ANKRD44: variants seen among roughly 807,000 people sequenced by gnomAD.
ANKRD44 encodes serine/threonine-protein phosphatase 6 regulatory ankyrin repeat subunit B.
Under a neutral mutation model 116.0 loss-of-function variants are expected in ANKRD44, and 35 were observed. That is an observed-to-expected ratio of 0.30 (90% CI 0.23 to 0.40). The LOEUF is 0.40. Ranked by LOEUF, ANKRD44 falls within the 10% of genes least tolerant of loss-of-function variation. The pLI, the probability that ANKRD44 is intolerant of heterozygous loss-of-function variation, is 1.00. For synonymous variants in ANKRD44, 435 were observed against 461.8 expected (o/e 0.94, Z 0.74); for missense variants, 1,014 against 1,242.6 (o/e 0.82, Z 2.77).
intron 3 of ANKRD44, among the ~76,000 whole-genome samples, chr2:197,145,137 A>G (rs1444451125): frequency 2.0e-5 from 3 of 151,978 alleles, no homozygotes; most frequent in Admixed American, 1.3e-4. Flanking sequence ...TAAAAATACA[A>G]AAAATTAGCC....
intron 1 of ANKRD44, among the ~76,000 whole-genome samples, chr2:197,284,131 T>C (rs998676776): frequency 1.3e-5 from 2 of 152,324 alleles, no homozygotes; most frequent in African/African-American, 2.4e-5. Context: ...CTCCACGTTA[T>C]GGATAAGATG....
At chr2:197,011,401 A>G (rs1488235625) in intron 18 of ANKRD44, among the ~76,000 whole-genome samples, 1 of 152,102 alleles carries the variant, frequency 6.6e-6, no homozygotes, top group Non-Finnish European at 1.5e-5. Flanking sequence ...CAGTTTCTAC[A>G]GTTGTGCTTT....
chr2:197,263,131 C>T (rs1375216179), intron 1 of ANKRD44: 4 of 480,302 alleles, frequency 8.3e-6, no homozygotes, highest in African/African-American at 6.0e-5. Flanking sequence ...GCTCCAAGTT[C>T]GTCTCCACTC....
Position 197,000,483 on chromosome 2 carries a change from A to C in ANKRD44, c.2455T>G (p.Cys819Gly). ...ATGGCCCCAAGCAGCAATGATGCACAATTCCCATGATCATTGATTCTAAAA... is the reference window on the plus strand; with the variant it reads ...ATGGCCCCAAGCAGCAATGATGCACCATTCCCATGATCATTGATTCTAAAA... ...HCAIINDHGNCASLLLGAIDS... is the reference protein window; with the variant it reads ...HCAIINDHGNGASLLLGAIDS... Residue 819 changes from cysteine to glycine, a missense_variant, in exon 23 of 28, where the codon TGT (cysteine) becomes GGT (glycine). Transcript: ENST00000282272. 6.2e-7 allele frequency: 1 copy of C among 1,614,042 alleles called. No individual in the cohort carries two copies. The highest frequency in any genetic ancestry group is 8.5e-7 in the Non-Finnish European group (1 of 1,179,906).
intron 9 of ANKRD44, among the ~76,000 whole-genome samples, chr2:197,106,230 C>T (rs966799889): frequency 2.0e-5 from 3 of 151,256 alleles, no homozygotes; most frequent in Non-Finnish European, 4.4e-5. Flanking sequence ...TCACCTGAGG[C>T]CAGGAGTTCA....
At chr2:197,234,801 G>C (rs376798670) in intron 1 of ANKRD44, among the ~76,000 whole-genome samples, 1 of 152,144 alleles carries the variant, frequency 6.6e-6, no homozygotes, top group Non-Finnish European at 1.5e-5. Flanking sequence ...CTTGAGCAAA[G>C]TTCTTTCCAG....
At chr2:197,130,546 C>G (rs1321792619) in intron 4 of ANKRD44, among the ~76,000 whole-genome samples, 1 of 152,178 alleles carries the variant, frequency 6.6e-6, no homozygotes, top group Admixed American at 6.5e-5. Context: ...GGTTTTAGAA[C>G]AGGAAGTTTC....
At chr2:197,067,438 AG>A (rs1328566826) in intron 16 of ANKRD44, among the ~76,000 whole-genome samples, 2 of 151,876 alleles carry the variant, frequency 1.3e-5, no homozygotes, top group African/African-American at 4.8e-5. Flanking sequence ...ACAACATGGG[AG>A]AAAATTTTCG....
intron 1 of ANKRD44, among the ~76,000 whole-genome samples, chr2:197,267,030 A>G (rs1294919788): frequency 6.6e-6 from 1 of 152,182 alleles, no homozygotes; most frequent in Non-Finnish European, 1.5e-5. Flanking sequence ...ACCTAGAACA[A>G]TGCCACATCA....
chr2:196,989,806 T>A, intron 27 of ANKRD44, 157 bp from the exon 28 acceptor site: 1 of 1,411,636 alleles, frequency 7.1e-7, no homozygotes, highest in Non-Finnish European at 9.2e-7. Flanking sequence ...TGGTATGACC[T>A]TGACTGAGAA....
intron 2 of ANKRD44, among the ~76,000 whole-genome samples, chr2:197,152,775 G>A (rs1029690064): frequency 5.3e-5 from 8 of 152,172 alleles, no homozygotes; most frequent in Non-Finnish European, 7.3e-5. Context: ...ACATGCTTTG[G>A]AAATTCTCAG....
intron 1 of ANKRD44, among the ~76,000 whole-genome samples, chr2:197,269,965 A>C (rs2082851671): frequency 6.6e-6 from 1 of 152,302 alleles, no homozygotes; most frequent in South Asian, 2.1e-4. Context: ...GGCTACCTGC[A>C]ATTCTGGATA....
chr2:197,298,662 C>A (rs2083797570), intron 1 of ANKRD44, among the ~76,000 whole-genome samples: 1 of 152,148 alleles, frequency 6.6e-6, no homozygotes, highest in Non-Finnish European at 1.5e-5. Flanking sequence ...GTGGCTCATG[C>A]CTGTAATCTC....
At chr2:197,101,452 C>A (rs975201726) in intron 9 of ANKRD44, among the ~76,000 whole-genome samples, 1 of 152,156 alleles carries the variant, frequency 6.6e-6, no homozygotes, top group Non-Finnish European at 1.5e-5. Flanking sequence ...TGACTACTTG[C>A]AATGGGTACC....
chr2:197,166,075 C>A (rs1261685945), intron 2 of ANKRD44, among the ~76,000 whole-genome samples: 3 of 152,140 alleles, frequency 2.0e-5, no homozygotes, highest in Non-Finnish European at 4.4e-5. Flanking sequence ...AATCTGCCTG[C>A]AGATTTTGCT....
At chr2:197,154,964 G>A (rs1207674391) in intron 2 of ANKRD44, among the ~76,000 whole-genome samples, 3 of 151,914 alleles carry the variant, frequency 2.0e-5, no homozygotes, top group Non-Finnish European at 4.4e-5. Flanking sequence ...CTCTAAACAT[G>A]TTCAAATTAT....
At chr2:197,307,619 A>G (rs369920334) in intron 1 of ANKRD44, among the ~76,000 whole-genome samples, 2 of 152,124 alleles carry the variant, frequency 1.3e-5, no homozygotes, top group African/African-American at 4.8e-5. Flanking sequence ...TCCTGAAAAA[A>G]AAAGAGTTAG....
chr2:197,172,891 C>T (rs943704877), intron 2 of ANKRD44, among the ~76,000 whole-genome samples: 1 of 152,096 alleles, frequency 6.6e-6, no homozygotes, highest in South Asian at 2.1e-4. Flanking sequence ...CTTATAGTCC[C>T]AACCCCTAGC....
rs138617040 is a variant in ANKRD44 at position 197,108,841 on chromosome 2, AAAC to A, written c.985+1922_985+1924del. Among the ~76,000 whole-genome samples the A allele has an allele frequency of 9.9e-4, 148 of 150,068 alleles. 1 individual carries two copies. In the East Asian group the frequency reaches 0.012, roughly 12 times the overall value. On this transcript the variant is annotated intron_variant, in intron 9 of 27. Coordinates refer to ENST00000282272, the MANE Select transcript of ANKRD44 (RefSeq NM_001195144.2). ...CAACAGAGTGAGAAAGTGTCTTAAA[AAAC>A]AACAACAACAACAACAACAACAACA...
Sources: gnomAD v4.1 joint callset for allele counts (sites outside exome capture counted in the v4.1 genomes callset) on GRCh38, gnomAD v4.1.1 for gene constraint, MANE v1.5 for transcripts, NCBI Gene and HGNC (gene_info 2026-07-23, HGNC 2026-07-21) for gene names.